The following ZFP64 variants were observed in gnomAD, a reference collection of about 807,000 sequenced individuals.
ZFP64 encodes ZFP64 zinc finger protein.
A neutral mutation model predicts 51.6 loss-of-function variants in ZFP64; 14 were observed. That is an observed-to-expected ratio of 0.27 (90% CI 0.18 to 0.42). ZFP64 has a LOEUF of 0.42. ZFP64 is among the 10% of genes least tolerant of loss of function. The pLI is 1.00. For missense variants in ZFP64, 754 were observed against 906.8 expected (o/e 0.83, Z 2.16); for synonymous variants, 375 against 361.4 (o/e 1.04, Z -0.43).
intron 1 of ZFP64, among the ~76,000 whole-genome samples, chr20:52,187,557 G>C (rs1017774949): frequency 6.6e-6 from 1 of 152,038 alleles, no homozygotes; most frequent in African/African-American, 2.4e-5. Context: ...AGCAGGCAGA[G>C]GTTGCAGTGA....
intron 5 of ZFP64, among the ~76,000 whole-genome samples, chr20:52,121,261 T>G (rs943157468): frequency 3.9e-5 from 6 of 152,180 alleles, no homozygotes; most frequent in African/African-American, 1.4e-4. Flanking sequence ...TTAAGCTTAG[T>G]GAGAAAGGCA....
At chr20:52,173,981 T>A (rs1369572026) in intron 2 of ZFP64, among the ~76,000 whole-genome samples, 1 of 152,140 alleles carries the variant, frequency 6.6e-6, no homozygotes, top group Non-Finnish European at 1.5e-5. Flanking sequence ...AAAGCTCCTA[T>A]CGCTACTGTG....
chr20:52,112,101 CA>C (rs1213989280), intron 5 of ZFP64, among the ~76,000 whole-genome samples: 3 of 76,926 alleles, frequency 3.9e-5, no homozygotes, highest in Admixed American at 1.6e-4. Flanking sequence ...AAAAAAAAAA[CA>C]AAAAAAAAAC....
chr20:52,157,048 C>T (rs1005227356), intron 5 of ZFP64, among the ~76,000 whole-genome samples: 12 of 152,252 alleles, frequency 7.9e-5, no homozygotes, highest in African/African-American at 2.9e-4. Context: ...AGCCAGCTTT[C>T]CCAAGTAAGA....
chr20:52,104,832 A>G (rs1348470092), intron 5 of ZFP64: 1 of 636,406 alleles, frequency 1.6e-6, no homozygotes. Context: ...CATCCCGAAA[A>G]CAGCCTCTGA....
At chr20:52,121,108 C>T (rs1222484116) in intron 5 of ZFP64, among the ~76,000 whole-genome samples, 3 of 152,194 alleles carry the variant, frequency 2.0e-5, no homozygotes, top group Non-Finnish European at 4.4e-5. Context: ...CCAGTCCCTT[C>T]TCTCTCCTTT....
At chr20:52,090,259 C>T (rs1186607836) in intron 7 of ZFP64, among the ~76,000 whole-genome samples, 1 of 152,192 alleles carries the variant, frequency 6.6e-6, no homozygotes, top group Non-Finnish European at 1.5e-5. Context: ...CTCCTCAGAA[C>T]AGTGGATGCT....
In ZFP64 at chr20:52,085,544, A is replaced by G. The variant is rs1458251856; in HGVS notation, c.1229-278T>C. Among the ~76,000 whole-genome samples, 1 of 152,202 alleles carries G rather than the reference A, an allele frequency of 6.6e-6. No individual in the cohort carries two copies. The highest frequency in any genetic ancestry group is 2.4e-5 in the African/African-American group (1 of 41,454). Reference sequence around the variant, plus strand: ...AACAGCAGGGATTTGGAACCCAGGCACTATGGCACTCAAGTCCATACTCTT... The same window carrying G: ...AACAGCAGGGATTTGGAACCCAGGCGCTATGGCACTCAAGTCCATACTCTT... On this transcript the variant is annotated intron_variant, in intron 8 of 8. Coordinates refer to the ZFP64 transcript ENST00000361387. This position sits in a 1 kb window ranked among gnomAD's most constrained non-coding sequence, Gnocchi z 4.3.
At chr20:52,088,723 G>C in intron 7 of ZFP64, 2 of 1,586,742 alleles carry the variant, frequency 1.3e-6, no homozygotes, top group South Asian at 1.1e-5. Context: ...GATAGCCTGG[G>C]CATATGGGTG....
At chr20:52,165,190 G>A (rs1009928784) in intron 3 of ZFP64, 12 of 457,184 alleles carry the variant, frequency 2.6e-5, no homozygotes, top group African/African-American at 2.2e-4. Flanking sequence ...GACATCGGTG[G>A]GACACTTGAT....
chr20:52,124,997 G>A (rs1052783100), intron 5 of ZFP64, among the ~76,000 whole-genome samples: 7 of 152,178 alleles, frequency 4.6e-5, no homozygotes, highest in Non-Finnish European at 1.0e-4. Context: ...GAAGGCATTT[G>A]TGGTGTGCTG....
downstream of ZFP64, among the ~76,000 whole-genome samples, chr20:52,148,417 A>G (rs1980626081): frequency 6.6e-6 from 1 of 152,248 alleles, no homozygotes; most frequent in Admixed American, 6.5e-5. Flanking sequence ...ATCATAACAT[A>G]TAAATATGAG....
At chr20:52,115,253 A>G (rs1978803736) in intron 5 of ZFP64, among the ~76,000 whole-genome samples, 1 of 151,142 alleles carries the variant, frequency 6.6e-6, no homozygotes, top group Non-Finnish European at 1.5e-5. Context: ...TAGCATGCTT[A>G]GAGCTCTAAG....
intron 5 of ZFP64, among the ~76,000 whole-genome samples, chr20:52,119,819 C>A (rs892999260): frequency 6.6e-6 from 1 of 151,918 alleles, no homozygotes; most frequent in African/African-American, 2.4e-5. Context: ...TTTTGAGAAA[C>A]CTTAGTCTGA....
At chr20:52,147,709 T>A (rs184605580), downstream of ZFP64, among the ~76,000 whole-genome samples, 5 of 152,248 alleles carry the variant, frequency 3.3e-5, no homozygotes, top group African/African-American at 1.2e-4. Flanking sequence ...TATGATAAAA[T>A]TATGGAATAA....
chr20:52,175,875 C>CCCCAA, intron 2 of ZFP64: 4 of 965,638 alleles, frequency 4.1e-6, no homozygotes, highest in Non-Finnish European at 4.9e-6. Flanking sequence ...CCCCCGCCCC[C>CCCCAA]AAAATAATTC....
chr20:52,150,500 A>G (rs1238943531), downstream of ZFP64, among the ~76,000 whole-genome samples: 1 of 152,192 alleles, frequency 6.6e-6, no homozygotes, highest in African/African-American at 2.4e-5. Context: ...AAGTGACAAA[A>G]TTATTTAAAT....
At chr20:52,172,221 T>TTGTG (rs537503128) in intron 2 of ZFP64, among the ~76,000 whole-genome samples, 2 of 148,094 alleles carry the variant, frequency 1.4e-5, no homozygotes, top group South Asian at 2.1e-4. Flanking sequence ...GTGTGTGTGT[T>TTGTG]TGTGTGTGTG....
chr20:52,122,288 C>T (rs529274587), intron 5 of ZFP64, among the ~76,000 whole-genome samples: 15 of 152,142 alleles, frequency 9.9e-5, no homozygotes, highest in Admixed American at 5.9e-4. Context: ...GGGTGGATCA[C>T]GAGGTCAGGA....
Sources: allele counts gnomAD v4.1 joint callset (sites outside exome capture counted in the v4.1 genomes callset), GRCh38; gene constraint gnomAD v4.1.1; non-coding constraint Gnocchi (gnomAD v3.1); transcripts MANE v1.5; gene names NCBI Gene and HGNC (gene_info 2026-07-23, HGNC 2026-07-21).